MAGI2: variants seen among roughly 807,000 people sequenced by gnomAD.
MAGI2 encodes the protein membrane associated guanylate kinase, WW and PDZ domain containing 2, also known as membrane-associated guanylate kinase, WW and PDZ domain-containing protein 2.
Under a neutral mutation model 133.3 loss-of-function variants are expected in MAGI2, and 35 were observed. That is an observed-to-expected ratio of 0.26 (90% confidence interval 0.20 to 0.35). The LOEUF is 0.35. Among genes scored for constraint, MAGI2 ranks in the 10% least tolerant of loss-of-function variants. The pLI is 1.00. For missense variants in MAGI2, 1,636 were observed against 1,863.4 expected (o/e 0.88, Z 2.25); for synonymous variants, 729 against 710.6 (o/e 1.03, Z -0.41).
chr7:78,350,662 G>A (rs1223178892), intron 7 of MAGI2: 1 of 152,192 alleles, frequency 6.6e-6, no homozygotes, highest in Non-Finnish European at 1.5e-5. Context: ...GGAAATATTT[G>A]CAGCTGATTA....
chr7:78,224,056 A>ATTTT (rs1789106616), intron 10 of MAGI2, among the ~76,000 whole-genome samples: 1 of 152,110 alleles, frequency 6.6e-6, no homozygotes, highest in Non-Finnish European at 1.5e-5. Context: ...TCAAAGGCAA[A>ATTTT]TGTTAGGGTA....
At chr7:78,301,331 T>G (rs1306953984) in intron 9 of MAGI2, among the ~76,000 whole-genome samples, 1 of 152,132 alleles carries the variant, frequency 6.6e-6, no homozygotes, top group African/African-American at 2.4e-5. Flanking sequence ...AAAAAAACCC[T>G]TCCATATCAC....
chr7:78,203,144 TG>T (rs2150767019), intron 10 of MAGI2, among the ~76,000 whole-genome samples: 1 of 152,336 alleles, frequency 6.6e-6, no homozygotes, highest in Non-Finnish European at 1.5e-5. Flanking sequence ...ATTTTCACCA[TG>T]TCAAAATATT....
chr7:78,283,484 TAAGTA>T (rs1042957875), intron 9 of MAGI2, among the ~76,000 whole-genome samples: 2 of 152,092 alleles, frequency 1.3e-5, no homozygotes, highest in African/African-American at 4.8e-5. Flanking sequence ...AATATATGAA[TAAGTA>T]AATATACCTA....
At chr7:79,100,631 G>A (rs1409080681) in intron 1 of MAGI2, among the ~76,000 whole-genome samples, 1 of 151,048 alleles carries the variant, frequency 6.6e-6, no homozygotes, top group African/African-American at 2.4e-5. Flanking sequence ...TCCTGATTAT[G>A]GTTTAAGTTA....
intron 1 of MAGI2, among the ~76,000 whole-genome samples, chr7:79,136,125 G>GAA (rs754351513): frequency 2.8e-5 from 4 of 144,840 alleles, no homozygotes; most frequent in African/African-American, 7.7e-5. Flanking sequence ...AAGAAAGAAA[G>GAA]AAAGACACAA....
intron 9 of MAGI2, among the ~76,000 whole-genome samples, chr7:78,282,600 AAAAG>A (rs1795733350): frequency 6.6e-6 from 1 of 152,102 alleles, no homozygotes; most frequent in African/African-American, 2.4e-5. Context: ...TTTCAGGAAA[AAAAG>A]ACTTTCTGAA....
intron 2 of MAGI2, among the ~76,000 whole-genome samples, chr7:78,728,408 C>T (rs1466159503): frequency 6.6e-6 from 1 of 152,070 alleles, no homozygotes; most frequent in Non-Finnish European, 1.5e-5. Context: ...TTGGTTCTTA[C>T]TCTATGGAAC....
chr7:78,647,393 A>G (rs1194255534), intron 2 of MAGI2, among the ~76,000 whole-genome samples: 1 of 152,212 alleles, frequency 6.6e-6, no homozygotes, highest in Non-Finnish European at 1.5e-5. Flanking sequence ...CATATGAAAA[A>G]ATGCTCATCA....
At chr7:79,261,779 C>A (rs1834110387) in intron 1 of MAGI2, among the ~76,000 whole-genome samples, 1 of 152,178 alleles carries the variant, frequency 6.6e-6, no homozygotes, top group African/African-American at 2.4e-5. Context: ...ACTACATTAA[C>A]ATCACTTACC....
intron 1 of MAGI2, among the ~76,000 whole-genome samples, chr7:79,076,058 T>A (rs1038135694): frequency 3.3e-5 from 5 of 152,206 alleles, no homozygotes; most frequent in African/African-American, 1.2e-4. Flanking sequence ...CTCGTTATAC[T>A]TAAGGGTGGA....
At chr7:78,492,348 A>T (rs1793701702) in intron 5 of MAGI2, among the ~76,000 whole-genome samples, 1 of 152,108 alleles carries the variant, frequency 6.6e-6, no homozygotes, top group African/African-American at 2.4e-5. Flanking sequence ...TTCAGAAATG[A>T]TTCTGAAAGC....
At chr7:78,529,272 T>C (rs1158418167) in intron 3 of MAGI2, among the ~76,000 whole-genome samples, 2 of 152,208 alleles carry the variant, frequency 1.3e-5, no homozygotes, top group African/African-American at 4.8e-5. Flanking sequence ...AAATCTTTGC[T>C]AAATGTAATT....
intron 6 of MAGI2, among the ~76,000 whole-genome samples, chr7:78,475,352 T>C (rs572682744): frequency 6.6e-6 from 1 of 152,136 alleles, no homozygotes; most frequent in African/African-American, 2.4e-5. Context: ...AATAGCTGGA[T>C]AGTAAACTAT....
chr7:78,549,890 G>A (rs1466798172), intron 3 of MAGI2, among the ~76,000 whole-genome samples: 1 of 152,114 alleles, frequency 6.6e-6, no homozygotes, highest in Non-Finnish European at 1.5e-5. Flanking sequence ...CTTACCTAGA[G>A]TTTCACCCTT....
At chr7:78,998,218 T>C (rs1160105884) in intron 2 of MAGI2, among the ~76,000 whole-genome samples, 2 of 152,198 alleles carry the variant, frequency 1.3e-5, no homozygotes, top group African/African-American at 2.4e-5. Flanking sequence ...TTCCCTAAAG[T>C]GTCTGCTGTA....
intron 2 of MAGI2, among the ~76,000 whole-genome samples, chr7:78,863,104 T>C (rs944521783): frequency 2.6e-5 from 4 of 152,166 alleles, no homozygotes; most frequent in Non-Finnish European, 5.9e-5. Flanking sequence ...AGTTCATTAA[T>C]TACAAATGAC....
At chr7:79,389,950 A>G (rs1019428333) in intron 1 of MAGI2, among the ~76,000 whole-genome samples, 15 of 152,172 alleles carry the variant, frequency 9.9e-5, no homozygotes, top group African/African-American at 3.1e-4. Context: ...TATTTCCCCA[A>G]TTATATATGG....
At chr7:78,185,530 G>T in intron 13 of MAGI2, 99 bp downstream of exon 13, 1 of 928,418 alleles carries the variant, frequency 1.1e-6, no homozygotes, top group Non-Finnish European at 1.6e-6. Context: ...GTAGCACAGC[G>T]ATTATATACT....
Sources: allele counts gnomAD v4.1 joint callset (sites outside exome capture counted in the v4.1 genomes callset), GRCh38; gene constraint gnomAD v4.1.1; transcripts MANE v1.5; gene names NCBI Gene and HGNC (gene_info 2026-07-23, HGNC 2026-07-21).